The following PRSS38 variants were observed in gnomAD, a reference collection of about 807,000 sequenced individuals.
The protein encoded by PRSS38 is marapsin 2.
In PRSS38, 22 loss-of-function variants were observed where a neutral mutation model predicts 26.8. The ratio of observed to expected loss-of-function variants is 0.82; its 90% confidence interval spans 0.59 to 1.17. PRSS38 has a LOEUF of 1.17. Among genes scored for constraint, PRSS38 ranks in the 50% most tolerant of loss-of-function variants. The probability of loss-of-function intolerance (pLI) is 0.00; values close to 1 mark genes in which losing one functional copy is unlikely to be tolerated. For missense variants in PRSS38, 427 were observed against 422.7 expected, an observed-to-expected ratio of 1.01 and a Z score of -0.09; for synonymous variants, 175 against 172.1, an observed-to-expected ratio of 1.02 and a Z score of -0.13.
At chr1:227,825,729 T>C (rs541226412) in intron 3 of PRSS38, among the ~76,000 whole-genome samples, 1 of 152,300 alleles carries the variant, frequency 6.6e-6, no homozygotes, top group Non-Finnish European at 1.5e-5. Context: ...TCCTGTTCTA[T>C]TGGTCTATGT....
intron 3 of PRSS38, among the ~76,000 whole-genome samples, chr1:227,844,542 G>T (rs547758279): frequency 7.0e-6 from 1 of 142,800 alleles, no homozygotes; most frequent in Admixed American, 6.7e-5. Context: ...CTCCCTACAT[G>T]TGGTGGGGCT....
chr1:227,830,529 G>T (rs1394355081), intron 3 of PRSS38, among the ~76,000 whole-genome samples: 1 of 133,842 alleles, frequency 7.5e-6, no homozygotes. Flanking sequence ...TTGAGATGGA[G>T]TTTTGCTCTT....
chr1:227,820,802 C>G (rs1664992777), intron 3 of PRSS38, among the ~76,000 whole-genome samples: 1 of 152,006 alleles, frequency 6.6e-6, no homozygotes, highest in Non-Finnish European at 1.5e-5. Flanking sequence ...TTGATTAATT[C>G]TTCTTTAAAT....
intron 3 of PRSS38, among the ~76,000 whole-genome samples, chr1:227,837,987 C>G (rs1262854339): frequency 1.3e-5 from 2 of 152,032 alleles, no homozygotes; most frequent in Non-Finnish European, 2.9e-5. Context: ...AACTTCTGGC[C>G]TCAAGCGTTC....
In PRSS38 at chr1:227,816,191, G is replaced by C. The variant is rs188432918; in HGVS notation, c.250G>C (p.Val84Leu). Residue 84 changes from valine to leucine, a missense_variant, in exon 2 of 5, where the codon GTC becomes CTC. Physicochemically the swap from Val to Leu is conservative, Grantham distance 32 (BLOSUM62 1). Transcript: ENST00000366757. This position sits in a 1 kb window ranked among gnomAD's most constrained non-coding sequence, Gnocchi z 5.1. ...CAGCGTGCACTACGCAGGCCTCCAC[G>C]TCTGCGGCGGCTCCATCCTCAATGA... 10 of 1,613,516 alleles carry C rather than the reference G, an allele frequency of 6.2e-6. No individual in the cohort carries two copies.
At chr1:227,823,147 G>A (rs1418051280) in intron 3 of PRSS38, among the ~76,000 whole-genome samples, 4 of 151,892 alleles carry the variant, frequency 2.6e-5, no homozygotes, top group African/African-American at 9.7e-5. Context: ...TCTGTGTTGT[G>A]AACTTTATTT....
intron 3 of PRSS38, among the ~76,000 whole-genome samples, chr1:227,842,262 T>G (rs2102685744): frequency 6.6e-6 from 1 of 152,294 alleles, no homozygotes; most frequent in African/African-American, 2.4e-5. Flanking sequence ...ATATCCATGC[T>G]TCAAGGTACT....
chr1:227,821,482 C>T (rs1284005499), intron 3 of PRSS38, among the ~76,000 whole-genome samples: 3 of 152,054 alleles, frequency 2.0e-5, no homozygotes, highest in African/African-American at 4.8e-5. Context: ...CCTTTCTTTT[C>T]AATGTGAAGC....
chr1:227,829,357 T>C (rs1054865577), intron 3 of PRSS38, among the ~76,000 whole-genome samples: 2 of 152,168 alleles, frequency 1.3e-5, no homozygotes, highest in Admixed American at 6.5e-5. Context: ...TATCTCACTG[T>C]GGTTTTGAAT....
At chr1:227,846,006 T>G in exon 5 of PRSS38, 2 of 1,614,204 alleles carry the variant, frequency 1.2e-6, no homozygotes, top group Non-Finnish European at 1.7e-6. Flanking sequence ...TGGTTGCAGA[T>G]TGGAATTGTG....
rs1228101343 is a variant in PRSS38 at position 227,836,491 on chromosome 1, T to C, written c.584-8979T>C. 1.0e-4 allele frequency among the ~76,000 whole-genome samples: 4 copies of C among 38,162 alleles called. 2 individuals are homozygous for C. The allele number at this position is 38,162 out of a possible 152,430, so 25.0% of individuals were successfully genotyped here. On this transcript the variant is annotated intron_variant, in intron 3 of 4. Transcript: ENST00000366757. ...TCACGAGGTCAGGAGATCGAGACCA[T>C]CCCGGCTAAAACGGTGAAACCCCGT...
chr1:227,835,537 T>C (rs761589091), intron 3 of PRSS38, among the ~76,000 whole-genome samples: 10 of 152,204 alleles, frequency 6.6e-5, no homozygotes, highest in Middle Eastern at 3.2e-3. Context: ...ATAGCAGCAC[T>C]ATTCACGTAG....
At chr1:227,843,891 G>A (rs143453408) in intron 3 of PRSS38, among the ~76,000 whole-genome samples, 316 of 151,676 alleles carry the variant, frequency 2.1e-3, no homozygotes, top group African/African-American at 7.1e-3. Context: ...GTGGTGGTGC[G>A]CACCTGTAAT....
chr1:227,824,046 G>A (rs1297196029), intron 3 of PRSS38, among the ~76,000 whole-genome samples: 1 of 152,128 alleles, frequency 6.6e-6, no homozygotes, highest in Non-Finnish European at 1.5e-5. Flanking sequence ...TTCAATAGAG[G>A]TTGTACTAAT....
chr1:227,826,609 G>A (rs548801032), intron 3 of PRSS38, among the ~76,000 whole-genome samples: 3 of 152,032 alleles, frequency 2.0e-5, no homozygotes, highest in Admixed American at 1.3e-4. Context: ...CCAGCTACTC[G>A]GGATGCTAAG....
At chr1:227,834,038 C>G (rs1478957584) in intron 3 of PRSS38, among the ~76,000 whole-genome samples, 1 of 152,120 alleles carries the variant, frequency 6.6e-6, no homozygotes, top group Non-Finnish European at 1.5e-5. Context: ...AGAAGGGACA[C>G]AGACATGGAG....
intron 3 of PRSS38, among the ~76,000 whole-genome samples, chr1:227,819,848 T>C (rs574579347): frequency 1.3e-5 from 2 of 152,188 alleles, no homozygotes; most frequent in Non-Finnish European, 2.9e-5. Context: ...CCCAGCACTT[T>C]GGGAGGCCAA....
chr1:227,830,655 C>T (rs1167480203), intron 3 of PRSS38, among the ~76,000 whole-genome samples: 1 of 151,542 alleles, frequency 6.6e-6, no homozygotes, highest in Non-Finnish European at 1.5e-5. Context: ...CCAAGCCCTG[C>T]TAATTTTTAT....
chr1:227,818,675 C>CAA (rs71180764), intron 3 of PRSS38, among the ~76,000 whole-genome samples: 9,005 of 60,506 alleles, frequency 0.15, 1,100 homozygotes, highest in African/African-American at 0.21. Context: ...GACCTTCTCT[C>CAA]AAAAAAAAAA....
Sources: gnomAD v4.1 joint callset for allele counts (sites outside exome capture counted in the v4.1 genomes callset) on GRCh38, gnomAD v4.1.1 for gene constraint, Gnocchi (gnomAD v3.1) non-coding constraint, MANE v1.5 for transcripts, NCBI Gene and HGNC (gene_info 2026-07-23, HGNC 2026-07-21) for gene names.